Variants in SKI observed in about 807,000 individuals in gnomAD.
SKI encodes SKI proto-oncogene, also known as ski oncogene.
A neutral mutation model predicts 59.3 loss-of-function variants in SKI; 23 were observed. The ratio of observed to expected loss-of-function variants is 0.39; its 90% confidence interval spans 0.28 to 0.55. The LOEUF is 0.55. Among genes scored for constraint, SKI ranks in the 20% least tolerant of loss-of-function variants. The pLI is 0.67. For synonymous variants in SKI, 673 were observed against 488.6 expected (o/e 1.38, Z -4.98); for missense variants, 1,017 against 1,038.9 (o/e 0.98, Z 0.29).
intron 1 of SKI, among the ~76,000 whole-genome samples, chr1:2,242,803 T>G (rs1234808085): frequency 1.3e-5 from 2 of 152,200 alleles, no homozygotes; most frequent in Admixed American, 1.3e-4. Context: ...CCACCACTCC[T>G]GGCCTGAAAG....
intron 1 of SKI, among the ~76,000 whole-genome samples, chr1:2,281,203 T>G (rs867530413): frequency 0.38 from 91 of 242 alleles, 44 homozygotes; most frequent in Admixed American, 0.92. Flanking sequence ...GAGATCTTCA[T>G]AGAGAGGACG....
At chr1:2,238,946 G>T (rs975132693) in intron 1 of SKI, among the ~76,000 whole-genome samples, 1 of 152,186 alleles carries the variant, frequency 6.6e-6, no homozygotes, top group Admixed American at 6.5e-5. Context: ...CTGGACGCCC[G>T]TGTGGACCTG....
At chr1:2,240,748 T>G (rs1638853332) in intron 1 of SKI, 2 of 985,276 alleles carry the variant, frequency 2.0e-6, no homozygotes, top group Non-Finnish European at 2.4e-6. Context: ...GACTTCACCC[T>G]TGGTGGGAGG....
At chr1:2,302,953 C>T in intron 1 of SKI, 25 bp from the exon 2 acceptor site, 1 of 1,613,266 alleles carries the variant, frequency 6.2e-7, no homozygotes, top group East Asian at 2.2e-5. Flanking sequence ...CCACAGGTGC[C>T]AACAAAACCT....
intron 1 of SKI, among the ~76,000 whole-genome samples, chr1:2,235,249 G>T (rs1185442429): frequency 1.3e-5 from 2 of 152,100 alleles, no homozygotes; most frequent in Non-Finnish European, 2.9e-5. Flanking sequence ...TCACCATGTT[G>T]GCCAGCCTGG....
At position 2,304,592 on chromosome 1, in the gene SKI, G is replaced by A. The variant is rs199962561; in HGVS notation, c.1767+7G>A. 1.7e-5 allele frequency: 26 copies of A among 1,545,322 alleles called. 1 individual carries two copies. The East Asian group carries it at 3.4e-4, about 20-fold the overall frequency. Reference sequence around the variant, plus strand: ...CAAGCGCAGCCTCCACCAGGTGAGCGGGGCGAGTGGTGCTGGGAGGTCCAG... The same window carrying A: ...CAAGCGCAGCCTCCACCAGGTGAGCAGGGCGAGTGGTGCTGGGAGGTCCAG... On this transcript the variant is annotated splice_region_variant and intron_variant, in intron 5 of 6. Coordinates refer to ENST00000378536, the MANE Select transcript of SKI (RefSeq NM_003036.4).
rs896507441 is a variant in SKI, at chr1:2,267,908, G to T, written c.970-35070G>T. On this transcript the variant is annotated intron_variant, in intron 1 of 6. Coordinates refer to ENST00000378536, the MANE Select transcript of SKI (RefSeq NM_003036.4). The surrounding 1 kb of genome is among the most constrained non-coding windows in gnomAD (Gnocchi z 4.1). ...CTTGAACCTCAGGCCACCTCCAGTG[G>T]GAGGCTGGAGGTCCTGTGTGCCACC... is the stretch of plus-strand genomic sequence containing the variant. 6.6e-6 allele frequency among the ~76,000 whole-genome samples: 1 copy of T among 152,198 alleles called. No homozygotes were observed. Among genetic ancestry groups the T allele is most frequent in the African/African-American group, 2.4e-5 (1 of 41,442 alleles).
chr1:2,273,375 C>T (rs566225221), intron 1 of SKI, among the ~76,000 whole-genome samples: 18 of 152,314 alleles, frequency 1.2e-4, no homozygotes, highest in Middle Eastern at 6.8e-3. Flanking sequence ...GGGTCCCTAT[C>T]CTGGTCAGAG....
chr1:2,292,234 G>A (rs1223881479), intron 1 of SKI, among the ~76,000 whole-genome samples: 1 of 152,216 alleles, frequency 6.6e-6, no homozygotes, highest in Admixed American at 6.5e-5. Context: ...AGGGCTGCAC[G>A]GGAGTTGCCA....
intron 1 of SKI, among the ~76,000 whole-genome samples, chr1:2,293,924 G>C (rs371062688): frequency 1.3e-5 from 2 of 152,222 alleles, no homozygotes; most frequent in South Asian, 2.1e-4. Flanking sequence ...CGCCACCATG[G>C]GGGTCCAGGC....
intron 1 of SKI, among the ~76,000 whole-genome samples, chr1:2,252,930 T>A (rs1309649004): frequency 6.6e-6 from 1 of 151,972 alleles, no homozygotes; most frequent in African/African-American, 2.4e-5. Flanking sequence ...ACTCCATCTC[T>A]ACTGAAAATA....
intron 1 of SKI, among the ~76,000 whole-genome samples, chr1:2,253,313 A>C (rs1569729117): frequency 6.6e-6 from 1 of 152,026 alleles, no homozygotes; most frequent in Non-Finnish European, 1.5e-5. Context: ...GCTCCAGAGC[A>C]CCCAGGCCGG....
chr1:2,294,236 A>G (rs1467683384), intron 1 of SKI, among the ~76,000 whole-genome samples: 5 of 152,228 alleles, frequency 3.3e-5, no homozygotes, highest in Admixed American at 6.5e-5. Context: ...TGTGAGTCAC[A>G]GCCAGGATGG....
In SKI at chr1:2,308,791, A is replaced by C. The variant is rs1332452375; in HGVS notation, c.*2026A>C. 6 of 152,220 alleles carry C rather than the reference A, an allele frequency of 3.9e-5. No homozygotes were observed. 9.4% of individuals were successfully genotyped at this position (152,220 alleles called of 1,614,324 possible). A position where few individuals can be genotyped will look rare whatever the true frequency, so the allele number is the denominator to read the frequency against. On this transcript the variant is annotated 3_prime_UTR_variant, in exon 7 of 7. Coordinates refer to ENST00000378536, the MANE Select transcript of SKI (RefSeq NM_003036.4). ...CGTTTGCTTTGAGTTTTTAGACCCCAGAGGGAGATGAGCTTTTCCAAGCTG... is the reference window on the plus strand; with the variant it reads ...CGTTTGCTTTGAGTTTTTAGACCCCCGAGGGAGATGAGCTTTTCCAAGCTG...
At chr1:2,290,333 A>T (rs1476649681) in intron 1 of SKI, among the ~76,000 whole-genome samples, 1 of 151,992 alleles carries the variant, frequency 6.6e-6, no homozygotes, top group Non-Finnish European at 1.5e-5. Flanking sequence ...TGCAGTGTGG[A>T]TGTGAGCTGA....
At chr1:2,288,109 C>G (rs940970370) in intron 1 of SKI, among the ~76,000 whole-genome samples, 3 of 152,208 alleles carry the variant, frequency 2.0e-5, no homozygotes, top group Admixed American at 6.5e-5. Flanking sequence ...CTGCCTCAGC[C>G]TCCCAAGTAG....
In SKI at chr1:2,242,812, A is replaced by G. The variant is rs187613874; in HGVS notation, c.969+13077A>G. Among the ~76,000 whole-genome samples, 39 of 152,228 alleles carry G rather than the reference A, an allele frequency of 2.6e-4. No individual in the cohort carries two copies. The East Asian group carries it at 4.1e-3, about 16-fold the overall frequency. ...TGTGAGCCACCACTCCTGGCCTGAA[A>G]GTATTTTTCGTAATTGGATTTTTCC... On this transcript the variant is annotated intron_variant, in intron 1 of 6. Transcript: ENST00000378536.
At chr1:2,290,732 G>A (rs1640143743) in intron 1 of SKI, among the ~76,000 whole-genome samples, 1 of 152,336 alleles carries the variant, frequency 6.6e-6, no homozygotes, top group African/African-American at 2.4e-5. Context: ...TTCTGCCCCA[G>A]CTAGCGCTTG....
At chr1:2,242,870 A>G (rs1422543564) in intron 1 of SKI, among the ~76,000 whole-genome samples, 1 of 152,140 alleles carries the variant, frequency 6.6e-6, no homozygotes, top group Non-Finnish European at 1.5e-5. Context: ...TTTTCCCTGA[A>G]TGAGGCATAA....
Sources: allele counts gnomAD v4.1 joint callset (sites outside exome capture counted in the v4.1 genomes callset), GRCh38; gene constraint gnomAD v4.1.1; non-coding constraint Gnocchi (gnomAD v3.1); transcripts MANE v1.5; gene names NCBI Gene and HGNC (gene_info 2026-07-23, HGNC 2026-07-21).